ZMYM1: variants seen among roughly 807,000 people sequenced by gnomAD.
The protein encoded by ZMYM1 is zinc finger MYM-type protein 1.
Under a neutral mutation model 60.0 loss-of-function variants are expected in ZMYM1, and 39 were observed. That is an observed-to-expected ratio of 0.65 (90% CI 0.50 to 0.85). The LOEUF is 0.85. ZMYM1 is among the 40% of genes least tolerant of loss of function. ZMYM1 has a pLI of 0.00. For missense variants in ZMYM1, 1,171 were observed against 1,309.5 expected, an observed-to-expected ratio of 0.89 and a Z score of 1.63; for synonymous variants, 413 against 454.0, an observed-to-expected ratio of 0.91 and a Z score of 1.15.
chr1:35,116,419 A>G (rs1414562279), downstream of ZMYM1, among the ~76,000 whole-genome samples: 2 of 152,234 alleles, frequency 1.3e-5, no homozygotes, highest in Admixed American at 1.3e-4. Flanking sequence ...ATATTTAAGT[A>G]ACCTGCAAAG....
At chr1:35,103,760 A>G (rs1254118467) in intron 4 of ZMYM1, among the ~76,000 whole-genome samples, 2 of 152,318 alleles carry the variant, frequency 1.3e-5, no homozygotes, top group East Asian at 3.9e-4. Flanking sequence ...GAAAAAGCAA[A>G]TAACATCTTA....
chr1:35,117,790 A>G (rs1243985761), downstream of ZMYM1, among the ~76,000 whole-genome samples: 7 of 152,062 alleles, frequency 4.6e-5, no homozygotes, highest in Non-Finnish European at 4.4e-5. Context: ...AAACTATAAA[A>G]TTAGCCGGGC....
At chr1:35,116,758 GA>G (rs1438991401), downstream of ZMYM1, among the ~76,000 whole-genome samples, 1 of 141,094 alleles carries the variant, frequency 7.1e-6, no homozygotes, top group East Asian at 2.2e-4. Flanking sequence ...CGCCCAGCCA[GA>G]AAAGTTTAAA....
chr1:35,063,126 CT>C (rs34272747), intron 1 of ZMYM1, among the ~76,000 whole-genome samples: 16,592 of 136,474 alleles, frequency 0.12, 1,726 homozygotes, highest in East Asian at 0.39. Context: ...CAAGCCTTTT[CT>C]TTTTTTTTTT....
chr1:35,114,020 A>G lies in ZMYM1; in HGVS notation c.2190A>G (p.Ala730=). The change falls in exon 10 of 10, where the codon GCA becomes GCG. Residue 730 remains alanine (A), a synonymous_variant. Transcript: ENST00000359858. ...TGAAGATAAAATTTAATAAAATAGC[A>G]GCAGAATTCAAGAAAGAAGAACCAA... The part of the protein sequence containing the change: ...TNLKIKFNKI[A]AEFKKEEPRA... 1 of 1,606,328 alleles carries G rather than the reference A, an allele frequency of 6.2e-7. No homozygotes were observed. Among genetic ancestry groups the G allele is most frequent in the Non-Finnish European group, 8.5e-7 (1 of 1,178,152 alleles).
At chr1:35,116,452 CA>C (rs1466520851), downstream of ZMYM1, among the ~76,000 whole-genome samples, 1 of 152,186 alleles carries the variant, frequency 6.6e-6, no homozygotes, top group East Asian at 1.9e-4. Flanking sequence ...CTTTATACTT[CA>C]AAAAAGTTTT....
In ZMYM1 at chr1:35,113,466, C is replaced by G; in HGVS notation, c.1636C>G (p.Gln546Glu). 6.8e-6 allele frequency: 11 copies of G among 1,612,840 alleles called. No individual in the cohort carries two copies. The highest frequency in any genetic ancestry group is 2.7e-5 in the African/African-American group (2 of 74,970). Residue 546 changes from glutamine to glutamate, a missense_variant, in exon 10 of 10, where the codon CAG (glutamine) becomes GAG (glutamate). By Grantham distance (29) the Gln-to-Glu change is conservative (BLOSUM62 2). Transcript: ENST00000359858. ...TGACGATTTATCTATTCATTCGAAA[C>G]AGATTGAGGGAAATAAAAAGTACCT... ...VSDDLSIHSK[Q>E]IEGNKKYLKL...
At chr1:35,109,460 T>G (rs904827342) in intron 6 of ZMYM1, among the ~76,000 whole-genome samples, 2 of 152,212 alleles carry the variant, frequency 1.3e-5, no homozygotes, top group African/African-American at 4.8e-5. Context: ...TACTACTTAC[T>G]GAACTCACAG....
rs144363831 is a variant in ZMYM1 at position 35,060,143 on chromosome 1, G to GTTATTATTA, written c.-301+251_-301+259dup. On this transcript the variant is annotated intron_variant, in intron 1 of 10. Transcript: ENST00000417119. The stretch of plus-strand genomic sequence containing the variant: ...AAACATGGGGGAAATACTATTTGTT[G>GTTATTATTA]TTATTATTATTATTATTATTATTAT... 3.8e-3 allele frequency among the ~76,000 whole-genome samples: 549 copies of GTTATTATTA among 144,096 alleles called. 3 individuals carry two copies. The highest frequency in any genetic ancestry group is 0.011 in the African/African-American group (435 of 38,974). The allele number at this position is 144,096 out of a possible 152,430, so 94.5% of individuals were successfully genotyped here.
At chr1:35,089,253 G>A (rs1642855403) in intron 1 of ZMYM1, among the ~76,000 whole-genome samples, 1 of 152,184 alleles carries the variant, frequency 6.6e-6, no homozygotes, top group African/African-American at 2.4e-5. Context: ...TACCGCCACT[G>A]CACAAAACTC....
chr1:35,106,801 C>G (rs1323580754), intron 6 of ZMYM1, among the ~76,000 whole-genome samples: 2 of 151,270 alleles, frequency 1.3e-5, no homozygotes, highest in Non-Finnish European at 2.9e-5. Flanking sequence ...TTCTTTCTTT[C>G]TTTTTGACAC....
Position 35,065,381 on chromosome 1 carries a change from T to C in ZMYM1, c.-301+5456T>C, listed in dbSNP as rs1641956332. On this transcript the variant is annotated intron_variant, in intron 1 of 10. Transcript: ENST00000417119. ...TCCTTTTGATTTTTTTAATACCATCTTCTTTTCTCTAGCTTACTTTATTGT... is the reference window on the plus strand; with the variant it reads ...TCCTTTTGATTTTTTTAATACCATCCTCTTTTCTCTAGCTTACTTTATTGT... Among the ~76,000 whole-genome samples the C allele has an allele frequency of 8.5e-5, 13 of 152,226 alleles. No homozygotes were observed. The South Asian group carries it at 2.7e-3, about 32-fold the overall frequency.
intron 1 of ZMYM1, among the ~76,000 whole-genome samples, chr1:35,088,486 GTGTGTGTGTGTGTGTA>G (rs1254508047): frequency 6.9e-6 from 1 of 145,944 alleles, no homozygotes; most frequent in Non-Finnish European, 1.5e-5. Flanking sequence ...GTGTGTGTGT[GTGTGTGTGTGTGTGTA>G]TGTACATATA....
chr1:35,095,501 G>GAAAAAAAAAAAAAAAAAAAAAAAA (rs60070624), intron 2 of ZMYM1, among the ~76,000 whole-genome samples: 1 of 107,920 alleles, frequency 9.3e-6, no homozygotes, highest in Non-Finnish European at 2.1e-5. Context: ...AAAAAAAAAA[G>GAAAAAAAAAAAAAAAAAAAAAAAA]AAAAAAAAAA....
intron 9 of ZMYM1, among the ~76,000 whole-genome samples, chr1:35,112,417 A>G (rs1026189374): frequency 1.3e-5 from 2 of 150,168 alleles, no homozygotes; most frequent in African/African-American, 2.4e-5. Flanking sequence ...GCCTCAGGTG[A>G]TCCGCCCACC....
intron 6 of ZMYM1, among the ~76,000 whole-genome samples, chr1:35,107,052 C>T (rs1440777341): frequency 6.6e-6 from 1 of 151,072 alleles, no homozygotes; most frequent in Non-Finnish European, 1.5e-5. Context: ...AGGGTTTCAC[C>T]GTGTTAGCCA....
At chr1:35,107,337 C>T (rs1485693025) in intron 6 of ZMYM1, among the ~76,000 whole-genome samples, 16 of 149,664 alleles carry the variant, frequency 1.1e-4, no homozygotes, top group Admixed American at 4.0e-4. Context: ...GGTGTGGTGG[C>T]GGGCGCCTGT....
intron 1 of ZMYM1, among the ~76,000 whole-genome samples, chr1:35,065,031 A>T (rs1326709746): frequency 6.6e-6 from 1 of 152,114 alleles, no homozygotes; most frequent in Non-Finnish European, 1.5e-5. Flanking sequence ...AAGAAGACTC[A>T]AATAAAATTA....
intron 1 of ZMYM1, among the ~76,000 whole-genome samples, chr1:35,073,806 T>A (rs757368231): frequency 2.0e-5 from 3 of 152,140 alleles, no homozygotes; most frequent in Non-Finnish European, 4.4e-5. Flanking sequence ...TTTGTGATGA[T>A]GTGTTTCCAT....
Sources: allele counts gnomAD v4.1 joint callset (sites outside exome capture counted in the v4.1 genomes callset), GRCh38; gene constraint gnomAD v4.1.1; transcripts MANE v1.5; gene names NCBI Gene and HGNC (gene_info 2026-07-23, HGNC 2026-07-21).